PARL: variants seen among roughly 807,000 people sequenced by gnomAD.
The protein encoded by PARL is presenilin-associated rhomboid-like protein, mitochondrial.
Under a neutral mutation model 51.6 loss-of-function variants are expected in PARL, and 44 were observed. The ratio of observed to expected loss-of-function variants is 0.85; its 90% CI spans 0.67 to 1.10. The LOEUF is 1.10. PARL is among the 50% of genes least tolerant of loss of function. The pLI, the probability that PARL is intolerant of heterozygous loss-of-function variation, is 0.00. For synonymous variants in PARL, 172 were observed against 164.0 expected (o/e 1.05, Z -0.37); for missense variants, 441 against 469.5 (o/e 0.94, Z 0.56).
At chr3:183,869,123 GTCT>G (rs1280858559) in intron 1 of PARL, among the ~76,000 whole-genome samples, 9 of 152,104 alleles carry the variant, frequency 5.9e-5, no homozygotes, top group African/African-American at 1.9e-4. Context: ...TCTTGAAACA[GTCT>G]TCTTTTTCTT....
chr3:183,855,002 C>T (rs12107202), intron 4 of PARL, among the ~76,000 whole-genome samples: 27,520 of 151,998 alleles, frequency 0.18, 2,575 homozygotes, highest in East Asian at 0.27. Flanking sequence ...TACTGCAACA[C>T]GAGTGAACCT....
At chr3:183,857,504 G>A (rs769275593) in intron 4 of PARL, among the ~76,000 whole-genome samples, 2 of 152,156 alleles carry the variant, frequency 1.3e-5, no homozygotes, top group Non-Finnish European at 2.9e-5. Context: ...AGTATGTACT[G>A]CATGTTTCTA....
chr3:183,837,789 A>G (rs1446640012), intron 7 of PARL, among the ~76,000 whole-genome samples: 1 of 152,144 alleles, frequency 6.6e-6, no homozygotes, highest in Admixed American at 6.5e-5. Flanking sequence ...TCATCATATC[A>G]AGAACCAGAA....
At chr3:183,843,384 G>T in intron 5 of PARL, 3 of 619,028 alleles carry the variant, frequency 4.8e-6, no homozygotes, top group Non-Finnish European at 6.1e-6. Flanking sequence ...GGGCATGGTG[G>T]CATGCACCTG....
chr3:183,829,219 A>C (rs1235979645), downstream of PARL: 1 of 296,908 alleles, frequency 3.4e-6, no homozygotes, highest in Non-Finnish European at 6.3e-6. Context: ...GGAGGCAAGG[A>C]AGAGTGAAGG....
chr3:183,854,804 T>A (rs1233289333), intron 4 of PARL, among the ~76,000 whole-genome samples: 1 of 147,340 alleles, frequency 6.8e-6, no homozygotes, highest in Admixed American at 6.8e-5. Flanking sequence ...TGGCTATATA[T>A]ACCGAGAAAT....
At chr3:183,866,961 C>T (rs57874587) in intron 2 of PARL, among the ~76,000 whole-genome samples, 196 bp from the exon 3 acceptor site, 34,535 of 151,572 alleles carry the variant, frequency 0.23, 4,182 homozygotes, top group East Asian at 0.45. Flanking sequence ...TCTCCCAGGC[C>T]AGACTGTAAT....
chr3:183,862,662 A>G (rs1227520804), intron 4 of PARL, 91 bp downstream of exon 4: 1 of 938,124 alleles, frequency 1.1e-6, no homozygotes, highest in African/African-American at 1.6e-5. Flanking sequence ...ACTGGTGAGC[A>G]TGGTACAAGA....
At chr3:183,873,695 A>G (rs1553903598) in intron 1 of PARL, among the ~76,000 whole-genome samples, 1 of 152,182 alleles carries the variant, frequency 6.6e-6, no homozygotes, top group Non-Finnish European at 1.5e-5. Flanking sequence ...AATACTACAC[A>G]ATCAATTCTA....
chr3:183,862,336 T>C lies in PARL; in HGVS notation c.511+417A>G, dbSNP rs567901083. Among the ~76,000 whole-genome samples, 56 of 152,326 alleles carry C rather than the reference T, an allele frequency of 3.7e-4. 1 individual carries two copies. The South Asian group carries it at 9.9e-3, about 27-fold the overall frequency. On this transcript the variant is annotated intron_variant, in intron 4 of 9. Transcript: ENST00000317096. ...AGCAGTTTGACTTTCAAAAGTTCCT[T>C]CTCTGAAAGCCGGTTTCCTTATCTG...
chr3:183,875,415 C>CAAAAAAAA (rs61316689), intron 1 of PARL, among the ~76,000 whole-genome samples: 1 of 60,146 alleles, frequency 1.7e-5, no homozygotes, highest in Non-Finnish European at 2.9e-5. Context: ...ACTCTGTCTC[C>CAAAAAAAA]AAAAAAAAAA....
At chr3:183,862,514 C>A (rs1402569187) in intron 4 of PARL, 1 of 488,118 alleles carries the variant, frequency 2.0e-6, no homozygotes, top group South Asian at 2.8e-5. Context: ...TGGAATTCTA[C>A]AACAAAACTG....
At chr3:183,835,000 A>G (rs1577279950) in intron 7 of PARL, among the ~76,000 whole-genome samples, 1 of 151,932 alleles carries the variant, frequency 6.6e-6, no homozygotes, top group Non-Finnish European at 1.5e-5. Flanking sequence ...CAGAGGTTGC[A>G]GTGAGCCGAG....
In PARL at chr3:183,882,926, G is replaced by A. The variant is rs149612873; in HGVS notation, c.125+1796C>T. Among the ~76,000 whole-genome samples, 19 of 152,166 alleles carry A rather than the reference G, an allele frequency of 1.2e-4. No homozygotes were observed. The East Asian group carries it at 3.7e-3, about 29-fold the overall frequency. On this transcript the variant is annotated intron_variant, in intron 1 of 9. Transcript: ENST00000317096. ...CAAAGCCATAAGAAGTCAACATATA[G>A]CTAATAAAGGTTATATATAAGGTAA...
At chr3:183,843,578 C>G (rs1577306999) in intron 5 of PARL, among the ~76,000 whole-genome samples, 1 of 152,292 alleles carries the variant, frequency 6.6e-6, no homozygotes, top group Non-Finnish European at 1.5e-5. Flanking sequence ...CGCCTATAAT[C>G]CCAGCACTTT....
At chr3:183,866,419 T>A (rs1381750014) in intron 3 of PARL, among the ~76,000 whole-genome samples, 1 of 152,238 alleles carries the variant, frequency 6.6e-6, no homozygotes, top group South Asian at 2.1e-4. Flanking sequence ...TAATCTATAG[T>A]ACATTTCAAA....
At chr3:183,870,183 C>A in intron 1 of PARL, among the ~76,000 whole-genome samples, 1 of 148,690 alleles carries the variant, frequency 6.7e-6, no homozygotes, top group Admixed American at 6.9e-5. Flanking sequence ...GAGGCTGAGG[C>A]AGAAGAATCG....
At chr3:183,840,211 G>A (rs1384581685) in intron 7 of PARL, among the ~76,000 whole-genome samples, 2 of 152,150 alleles carry the variant, frequency 1.3e-5, no homozygotes, top group Non-Finnish European at 2.9e-5. Context: ...CTAAATAGGA[G>A]GATAAAGTAC....
chr3:183,853,489 T>C (rs541485888), intron 4 of PARL, among the ~76,000 whole-genome samples: 3 of 152,118 alleles, frequency 2.0e-5, no homozygotes, highest in African/African-American at 4.8e-5. Context: ...GAGATGGAGA[T>C]TGCAGTGAGC....
Sources: allele counts gnomAD v4.1 joint callset (sites outside exome capture counted in the v4.1 genomes callset), GRCh38; gene constraint gnomAD v4.1.1; transcripts MANE v1.5; gene names NCBI Gene and HGNC (gene_info 2026-07-23, HGNC 2026-07-21).